KCTD19: variants seen among roughly 807,000 people sequenced by gnomAD.
KCTD19 encodes potassium channel tetramerization domain containing 19.
Under a neutral mutation model 103.5 loss-of-function variants are expected in KCTD19, and 67 were observed. The ratio of observed to expected loss-of-function variants is 0.65; its 90% CI spans 0.53 to 0.79. The LOEUF is 0.79. Ranked by LOEUF, KCTD19 falls within the 30% of genes least tolerant of loss-of-function variation. KCTD19 has a pLI of 0.00. For missense variants in KCTD19, 980 were observed against 1,136.1 expected (o/e 0.86, Z 1.98); for synonymous variants, 439 against 452.2 (o/e 0.97, Z 0.37).
chr16:67,326,637 CT>C, intron 1 of KCTD19, 67 bp downstream of exon 1: 1 of 1,548,446 alleles, frequency 6.5e-7, no homozygotes, highest in Non-Finnish European at 8.7e-7. Flanking sequence ...AGCCCCAATC[CT>C]TGGCCACAGC....
intron 6 of KCTD19, among the ~76,000 whole-genome samples, chr16:67,298,906 G>T (rs2036799880): frequency 6.6e-6 from 1 of 152,208 alleles, no homozygotes; most frequent in South Asian, 2.1e-4. Context: ...CAGCACCTCT[G>T]GGAAGCCTGG....
intron 5 of KCTD19, 161 bp from the exon 6 acceptor site, chr16:67,299,734 A>G (rs1597394704): frequency 1.6e-6 from 1 of 613,178 alleles, no homozygotes; most frequent in Non-Finnish European, 2.8e-6. Flanking sequence ...CAAAATTAGT[A>G]TAATTTTTTT....
intron 9 of KCTD19, 26 bp from the exon 10 acceptor site, chr16:67,295,082 C>T (rs201322927): frequency 6.2e-7 from 1 of 1,605,104 alleles, no homozygotes; most frequent in African/African-American, 1.3e-5. Flanking sequence ...AGATATCCAG[C>T]TGGGCAGCTA....
rs757530064 is a variant in KCTD19, at chr16:67,293,765, G to C, written c.1997C>G (p.Ala666Gly). 1 of 1,613,906 alleles carries C rather than the reference G, an allele frequency of 6.2e-7. No homozygotes were observed. The highest frequency in any genetic ancestry group is 1.7e-5 in the Admixed American group (1 of 60,028). ...GCTTCCCAAGGGGAGCTGCAGGGTG[G>C]CCTCCTCCAAGGGGCTGCTCCGTGT... is the stretch of plus-strand genomic sequence containing the variant. The part of the protein sequence containing the change: ...TATRSSPLEE[A>G]TLQLPLGSEA... Residue 666 changes from alanine (A) to glycine (G), a missense_variant, in exon 12 of 16, where the codon GCC becomes GGC. Coordinates refer to ENST00000304372, the MANE Select transcript of KCTD19 (RefSeq NM_001100915.3). The surrounding 1 kb of genome is among the most constrained non-coding windows in gnomAD (Gnocchi z 4.0).
At position 67,320,971 on chromosome 16, in the gene KCTD19, G is replaced by C. The variant is rs927736115; in HGVS notation, c.4-86C>G. The C allele has an allele frequency of 1.5e-4, 175 of 1,136,304 alleles. No homozygotes were observed. The African/African-American group carries it at 2.3e-3, about 15-fold the overall frequency. The allele number at this position is 1,136,304 out of a possible 1,614,324, so 70.4% of individuals were successfully genotyped here. A position where few individuals can be genotyped will look rare whatever the true frequency, so the allele number is the denominator to read the frequency against. ...GAAAAGGTAGAAATAAACTATCTCTGTTTGCTGATGACATGATCTTGTATA... is the reference window on the plus strand; with the variant it reads ...GAAAAGGTAGAAATAAACTATCTCTCTTTGCTGATGACATGATCTTGTATA... On this transcript the variant is annotated intron_variant, in intron 1 of 15. Transcript: ENST00000304372. The surrounding 1 kb of genome is among the most constrained non-coding windows in gnomAD (Gnocchi z 4.0).
Position 67,293,993 on chromosome 16 carries a change from T to C in KCTD19, c.1769A>G (p.His590Arg), listed in dbSNP as rs2036733488. Reference sequence around the variant, plus strand: ...AGGATTGGTACACAAGCCACGGCAGTGTGAGTATGTGCTAGGGTTGCCAGC... The same window carrying C: ...AGGATTGGTACACAAGCCACGGCAGCGTGAGTATGTGCTAGGGTTGCCAGC... ...KRAGNPSTYS[H>R]CRGLCTNPGH... Residue 590 changes from histidine (H) to arginine (R), a missense_variant, in exon 12 of 16, where the codon CAC becomes CGC. By Grantham distance (29) the His-to-Arg change is conservative (BLOSUM62 0). Transcript: ENST00000304372. This position sits in a 1 kb window ranked among gnomAD's most constrained non-coding sequence, Gnocchi z 4.0. 2 of 1,613,972 alleles carry C rather than the reference T, an allele frequency of 1.2e-6. No homozygotes were observed. The highest frequency in any genetic ancestry group is 2.7e-5 in the African/African-American group (2 of 74,898).
At chr16:67,302,988 T>G in intron 4 of KCTD19, 158 bp downstream of exon 4, 1 of 646,622 alleles carries the variant, frequency 1.5e-6, no homozygotes, top group African/African-American at 1.8e-5. Flanking sequence ...TGGAATCTGC[T>G]TGCTTCCTGG....
At position 67,291,005 on chromosome 16, in the gene KCTD19, G is replaced by T. The variant is rs886175955; in HGVS notation, c.2566-19C>A. 21 of 1,611,914 alleles carry T rather than the reference G, an allele frequency of 1.3e-5. No individual in the cohort carries two copies. The highest frequency in any genetic ancestry group is 1.8e-5 in the Non-Finnish European group (21 of 1,178,732). ...GCAGGGTCTGCCAGGAGAGCCCACAGTCAGGCAGTGCTAGGGCAGCTCCTA... is the reference window on the plus strand; with the variant it reads ...GCAGGGTCTGCCAGGAGAGCCCACATTCAGGCAGTGCTAGGGCAGCTCCTA... On this transcript the variant is annotated intron_variant, in intron 14 of 15. Coordinates refer to ENST00000304372, the MANE Select transcript of KCTD19 (RefSeq NM_001100915.3).
chr16:67,317,823 T>C (rs991705042), intron 2 of KCTD19, among the ~76,000 whole-genome samples: 7 of 152,218 alleles, frequency 4.6e-5, no homozygotes, highest in African/African-American at 1.7e-4. Context: ...ACAGGAATAA[T>C]GCCTGGAACC....
Position 67,303,299 on chromosome 16 carries a change from G to T in KCTD19, c.490C>A (p.Pro164Thr), listed in dbSNP as rs767352301. Reference protein sequence around the residue: ...DKAPLGLMDTPLLDTEEEVHY... With the variant: ...DKAPLGLMDTTLLDTEEEVHY... ...ACCTCCTCTTCTGTGTCTAACAGGG[G>T]TGTGTCCATGAGCCCCAGAGGTGCC... The change falls in exon 4 of 16, where the codon CCC becomes ACC. Residue 164 changes from proline (P) to threonine (T), a missense_variant. Pro to Thr is a conservative substitution (Grantham distance 38). Transcript: ENST00000304372. The surrounding 1 kb of genome is among the most constrained non-coding windows in gnomAD (Gnocchi z 4.3). 2.5e-6 allele frequency: 4 copies of T among 1,613,838 alleles called. No homozygotes were observed. Among genetic ancestry groups the T allele is most frequent in the East Asian group, 4.5e-5 (2 of 44,896 alleles).
chr16:67,294,129 T>C lies in KCTD19; in HGVS notation c.1633A>G (p.Arg545Gly), dbSNP rs770554844. 134 of 1,610,454 alleles carry C rather than the reference T, an allele frequency of 8.3e-5. No homozygotes were observed. The highest frequency in any genetic ancestry group is 6.5e-4 in the South Asian group (59 of 91,046). Residue 545 changes from arginine to glycine, a missense_variant, in exon 12 of 16, where the codon AGG becomes GGG. Physicochemically the swap from Arg to Gly is moderately radical, Grantham distance 125. Transcript: ENST00000304372. ...CCCTTAGCCTTGTTCCATGGAGTCC[T>C]GTCACTGCAGTCTTCGAAGTCCACA... ...MPVDFEDCSD[R>G]TPWNKAKGNL...
intron 6 of KCTD19, among the ~76,000 whole-genome samples, 173 bp from the exon 7 acceptor site, chr16:67,297,836 G>C (rs2036784132): frequency 6.6e-6 from 1 of 152,040 alleles, no homozygotes; most frequent in Non-Finnish European, 1.5e-5. Context: ...CTGTCGCCAG[G>C]CTGAAGTGCA....
rs1360348766 is a variant in KCTD19 at position 67,295,242 on chromosome 16, C to G, written c.1391+21G>C. The G allele has an allele frequency of 2.5e-6, 4 of 1,612,532 alleles. No individual in the cohort carries two copies. The African/African-American group carries it at 5.3e-5, about 22-fold the overall frequency. ...GGTCAGCCTTCGTGATTTCATCTTA[C>G]TGCGTCCTTGCTTCACTTACTTAAA... On this transcript the variant is annotated intron_variant, in intron 9 of 15. Coordinates refer to ENST00000304372, the MANE Select transcript of KCTD19 (RefSeq NM_001100915.3).
Position 67,314,011 on chromosome 16 carries a change from C to T in KCTD19, c.300+6578G>A, listed in dbSNP as rs375864058. Among the ~76,000 whole-genome samples, 88 of 152,218 alleles carry T rather than the reference C, an allele frequency of 5.8e-4. No homozygotes were observed. In the South Asian group the frequency reaches 0.017, roughly 30 times the overall value. ...AGCTGAGACTACAGGCACATGCTAC[C>T]ATGCCTGGATAATTTTTAAATTTTT... On this transcript the variant is annotated intron_variant, in intron 2 of 15. Coordinates refer to ENST00000304372, the MANE Select transcript of KCTD19 (RefSeq NM_001100915.3).
At chr16:67,302,728 C>G (rs2036847841) in intron 4 of KCTD19, 1 of 178,590 alleles carries the variant, frequency 5.6e-6, no homozygotes, top group Non-Finnish European at 1.2e-5. Flanking sequence ...ACATTAAGAG[C>G]AGGTAGCACC....
intron 6 of KCTD19, among the ~76,000 whole-genome samples, chr16:67,297,946 A>G (rs1247540774): frequency 6.7e-6 from 1 of 148,958 alleles, no homozygotes; most frequent in Non-Finnish European, 1.5e-5. Context: ...ACCCGCCACC[A>G]CGCCTGGCTA....
chr16:67,310,063 A>G (rs1350439645), intron 2 of KCTD19, among the ~76,000 whole-genome samples: 2 of 152,224 alleles, frequency 1.3e-5, no homozygotes, highest in African/African-American at 4.8e-5. Context: ...GAGCCTCAAC[A>G]AGGCTGTTTC....
chr16:67,297,417 C>T (rs1567448507), intron 7 of KCTD19, 86 bp downstream of exon 7: 2 of 1,352,208 alleles, frequency 1.5e-6, no homozygotes, highest in East Asian at 4.7e-5. Flanking sequence ...TCTACAGTTC[C>T]TCGTCCTGGC....
At chr16:67,305,479 G>A (rs2036882041) in intron 2 of KCTD19, 1 of 376,990 alleles carries the variant, frequency 2.7e-6, no homozygotes, top group South Asian at 1.9e-5. Flanking sequence ...CAAGTCCAGA[G>A]CTTGTCAGCT....
Sources: gnomAD v4.1 joint callset for allele counts (sites outside exome capture counted in the v4.1 genomes callset) on GRCh38, gnomAD v4.1.1 for gene constraint, Gnocchi (gnomAD v3.1) non-coding constraint, MANE v1.5 for transcripts, NCBI Gene and HGNC (gene_info 2026-07-23, HGNC 2026-07-21) for gene names.